The following PIGN variants were observed in gnomAD, a reference collection of about 807,000 sequenced individuals.
PIGN encodes the protein GPI ethanolamine phosphate transferase 1.
A neutral mutation model predicts 125.4 loss-of-function variants in PIGN; 117 were observed. The ratio of observed to expected loss-of-function variants is 0.93; its 90% CI spans 0.80 to 1.09. The LOEUF (loss-of-function observed/expected upper bound fraction) is 1.09. Among genes scored for constraint, PIGN ranks in the 50% least tolerant of loss-of-function variants. The probability of loss-of-function intolerance (pLI) is 0.00; values close to 1 mark genes in which losing one functional copy is unlikely to be tolerated. For synonymous variants in PIGN, 392 were observed against 377.8 expected, an observed-to-expected ratio of 1.04 and a Z score of -0.44; for missense variants, 1,075 against 1,094.9, an observed-to-expected ratio of 0.98 and a Z score of 0.26.
chr18:62,094,768 A>G (rs552730222), intron 23 of PIGN, among the ~76,000 whole-genome samples: 2 of 152,202 alleles, frequency 1.3e-5, no homozygotes, highest in Admixed American at 1.3e-4. Context: ...TTTCCATGAC[A>G]TTCATATCAC....
intron 21 of PIGN, among the ~76,000 whole-genome samples, chr18:62,101,960 G>T (rs1319745514): frequency 6.6e-6 from 1 of 152,102 alleles, no homozygotes; most frequent in Non-Finnish European, 1.5e-5. Context: ...CTGTGTGGTG[G>T]CTCACGCCTG....
intron 25 of PIGN, among the ~76,000 whole-genome samples, chr18:62,087,393 C>T (rs926866346): frequency 1.3e-5 from 2 of 152,164 alleles, no homozygotes; most frequent in East Asian, 1.9e-4. Flanking sequence ...AGTACAACTT[C>T]GGCAGAGACA....
intron 30 of PIGN, among the ~76,000 whole-genome samples, chr18:62,067,046 C>T (rs1031398407): frequency 1.3e-5 from 2 of 152,146 alleles, no homozygotes; most frequent in African/African-American, 2.4e-5. Flanking sequence ...ATCAGTCATA[C>T]ATGCAAGTAC....
rs183595819 is a variant in PIGN at position 62,104,485 on chromosome 18, T to C, written c.1859+1058A>G. 3.9e-5 allele frequency among the ~76,000 whole-genome samples: 6 copies of C among 152,326 alleles called. No individual in the cohort carries two copies. In the East Asian group the frequency reaches 1.2e-3, roughly 29 times the overall value. Reference sequence around the variant, plus strand: ...AATTCATTTTGTCATATACTATTTATAGGTTATGACAGTTGCAAAATGTTT... The same window carrying C: ...AATTCATTTTGTCATATACTATTTACAGGTTATGACAGTTGCAAAATGTTT... On this transcript the variant is annotated intron_variant, in intron 20 of 30. Coordinates refer to ENST00000640252, the MANE Select transcript of PIGN (RefSeq NM_176787.5).
rs2036201999 is a variant in PIGN at position 62,143,300 on chromosome 18, G to A, written c.963+6C>T. ...AATTTGAATGTAATAAAATCGAACT[G>A]GATACCTGATTGACATCTAGCCTCT... On this transcript the variant is annotated splice_donor_region_variant and intron_variant, in intron 11 of 30. Transcript: ENST00000640252. 5 of 1,466,806 alleles carry A rather than the reference G, an allele frequency of 3.4e-6. No homozygotes were observed. The highest frequency in any genetic ancestry group is 4.7e-6 in the Non-Finnish European group (5 of 1,062,696). 90.9% of individuals were successfully genotyped at this position (1,466,806 alleles called of 1,614,324 possible).
chr18:62,154,485 G>A, intron 7 of PIGN, 60 bp downstream of exon 7: 1 of 800,380 alleles, frequency 1.2e-6, no homozygotes, highest in Non-Finnish European at 2.2e-6. Context: ...GTGGGATACA[G>A]TCTCCAATAC....
chr18:62,089,810 C>A (rs748495454), intron 24 of PIGN, among the ~76,000 whole-genome samples: 13 of 152,076 alleles, frequency 8.5e-5, no homozygotes, highest in Admixed American at 3.3e-4. Flanking sequence ...TTTTATCCGA[C>A]CTTAGTAAAA....
chr18:62,183,928 T>C (rs1368057099), intron 1 of PIGN, among the ~76,000 whole-genome samples: 1 of 152,166 alleles, frequency 6.6e-6, no homozygotes, highest in African/African-American at 2.4e-5. Context: ...ATATCAGCAT[T>C]CACTAACTAC....
chr18:62,150,747 T>A (rs974679831), intron 7 of PIGN, among the ~76,000 whole-genome samples: 20 of 152,280 alleles, frequency 1.3e-4, no homozygotes, highest in African/African-American at 4.8e-4. Context: ...GTCGCCAGGC[T>A]GGAGTGCAAT....
chr18:62,088,101 A>C (rs1158108127), intron 25 of PIGN, among the ~76,000 whole-genome samples: 1 of 152,224 alleles, frequency 6.6e-6, no homozygotes, highest in Non-Finnish European at 1.5e-5. Context: ...TGATCATTTT[A>C]CAATGTATAC....
At chr18:62,137,395 T>TG (rs1254903755) in intron 14 of PIGN, 4 of 323,206 alleles carry the variant, frequency 1.2e-5, no homozygotes, top group Non-Finnish European at 2.2e-5. Flanking sequence ...CGTCACCTTG[T>TG]GATTATGTGA....
At chr18:62,165,516 A>G in intron 1 of PIGN, among the ~76,000 whole-genome samples, 1 of 152,332 alleles carries the variant, frequency 6.6e-6, no homozygotes, top group African/African-American at 2.4e-5. Flanking sequence ...CTTACAGGAT[A>G]TGGGGGGACG....
At chr18:62,058,513 AG>A (rs1396772248) in intron 30 of PIGN, among the ~76,000 whole-genome samples, 1 of 152,236 alleles carries the variant, frequency 6.6e-6, no homozygotes, top group African/African-American at 2.4e-5. Context: ...ACTGCTCATG[AG>A]ACTAACTTTC....
chr18:62,088,157 T>C (rs891362317), intron 25 of PIGN, among the ~76,000 whole-genome samples: 3 of 152,202 alleles, frequency 2.0e-5, no homozygotes, highest in African/African-American at 7.2e-5. Context: ...ATACAATTTT[T>C]GTCAATTATA....
intron 22 of PIGN, among the ~76,000 whole-genome samples, chr18:62,097,829 T>C (rs1026622169): frequency 2.6e-5 from 4 of 151,898 alleles, no homozygotes; most frequent in Non-Finnish European, 5.9e-5. Flanking sequence ...TCCCCCGGGA[T>C]AATAAAAGCA....
intron 16 of PIGN, 41 bp downstream of exon 16, chr18:62,113,093 T>C (rs1240224973): frequency 6.7e-7 from 1 of 1,487,738 alleles, no homozygotes; most frequent in Admixed American, 1.9e-5. Context: ...GTACTAGTGA[T>C]TTTATACCAT....
chr18:62,072,763 T>C, intron 29 of PIGN, 38 bp from the exon 30 acceptor site: 1 of 1,475,896 alleles, frequency 6.8e-7, no homozygotes, highest in Non-Finnish European at 9.2e-7. Context: ...AAAACAAAGC[T>C]ATTTAGATTC....
chr18:62,117,804 G>A (rs1470878453), intron 14 of PIGN, among the ~76,000 whole-genome samples: 2 of 152,002 alleles, frequency 1.3e-5, no homozygotes, highest in Non-Finnish European at 1.5e-5. Context: ...ACATATGAGT[G>A]AGAACATGTA....
intron 27 of PIGN, 94 bp downstream of exon 27, chr18:62,084,437 A>G (rs2033591589): frequency 4.0e-6 from 3 of 758,556 alleles, no homozygotes; most frequent in Non-Finnish European, 2.1e-6. Context: ...CTGAAAGGAT[A>G]TCTTCTTTCC....
Sources: allele counts gnomAD v4.1 joint callset (sites outside exome capture counted in the v4.1 genomes callset), GRCh38; gene constraint gnomAD v4.1.1; transcripts MANE v1.5; gene names NCBI Gene and HGNC (gene_info 2026-07-23, HGNC 2026-07-21).